Variants in FOLR2 observed in about 807,000 individuals in gnomAD.
FOLR2 encodes the protein folate receptor 2 (fetal).
A neutral mutation model predicts 20.4 loss-of-function variants in FOLR2; 14 were observed. The observed-to-expected ratio is 0.68, with a 90% CI of 0.45 to 1.07. FOLR2 has a LOEUF of 1.07. FOLR2 is among the 50% of genes least tolerant of loss of function. FOLR2 has a pLI of 0.00. For missense variants in FOLR2, 269 were observed against 322.6 expected (o/e 0.83, Z 1.27); for synonymous variants, 114 against 114.3 (o/e 1.00, Z 0.02).
chr11:72,217,720 G>C (rs776948337), intron 1 of FOLR2, among the ~76,000 whole-genome samples: 2 of 152,032 alleles, frequency 1.3e-5, no homozygotes, highest in Non-Finnish European at 2.9e-5. Flanking sequence ...CGTTTTTCAG[G>C]TGGTTTTGGT....
chr11:72,221,281 A>G lies in FOLR2; in HGVS notation c.445A>G (p.Asn149Asp). Reference protein sequence around the residue: ...DCHTSHTCKSNWHRGWDWTSG... With the variant: ...DCHTSHTCKSDWHRGWDWTSG... ...TCACACCTCCCACACGTGCAAGAGC[A>G]ACTGGCACAGAGGATGGGACTGGAC... The change falls in exon 4 of 5, where the codon AAC (asparagine) becomes GAC (aspartate). Residue 149 changes from asparagine (N) to aspartate (D), a missense_variant. Coordinates refer to ENST00000298223, the MANE Select transcript of FOLR2 (RefSeq NM_000803.5). The G allele has an allele frequency of 1.2e-6, 2 of 1,614,012 alleles. No individual in the cohort carries two copies. Among genetic ancestry groups the G allele is most frequent in the Non-Finnish European group, 1.7e-6 (2 of 1,179,928 alleles).
At chr11:72,221,140 G>C (rs1257781907) in intron 3 of FOLR2, 36 bp from the exon 4 acceptor site, 5 of 1,516,640 alleles carry the variant, frequency 3.3e-6, no homozygotes, top group Non-Finnish European at 4.4e-6. Flanking sequence ...AGCATCCCTG[G>C]CTGAGAGGAG....
At position 72,218,751 on chromosome 11, in the gene FOLR2, C is replaced by T. The variant is rs1948435392; in HGVS notation, c.150+17C>T. On this transcript the variant is annotated intron_variant, in intron 2 of 4. Coordinates refer to ENST00000298223, the MANE Select transcript of FOLR2 (RefSeq NM_000803.5). ...CATGACCAAGTACGGCTGGAGTGTG[C>T]CTCTGCTAAGGAGGGGGCTTGTTCT... The T allele has an allele frequency of 2.5e-6, 4 of 1,603,568 alleles. No homozygotes were observed. The highest frequency in any genetic ancestry group is 3.4e-6 in the Non-Finnish European group (4 of 1,174,326).
Position 72,221,068 on chromosome 11 carries a change from C to CCT in FOLR2, c.339+10_339+11insCT. 3.8e-6 allele frequency: 6 copies of CCT among 1,559,142 alleles called. No homozygotes were observed. Among genetic ancestry groups the CCT allele is most frequent in the South Asian group, 1.2e-5 (1 of 85,842 alleles). ...GCCCTGGATCCAGCAGGTAGGGTGT[C>CCT]TCCCCCCCACCCACCCCAGCAGACT... On this transcript the variant is annotated intron_variant, in intron 3 of 4. Transcript: ENST00000298223.
intron 2 of FOLR2, among the ~76,000 whole-genome samples, chr11:72,219,566 T>C (rs1014166249): frequency 1.3e-5 from 2 of 152,226 alleles, no homozygotes; most frequent in African/African-American, 2.4e-5. Context: ...CTTGCTTTTG[T>C]CATAAAATCA....
Position 72,221,067 on chromosome 11 carries a change from T to TCGGGGGGGCCGCCCCC in FOLR2, c.339+10_339+11insGGGGGGGCCGCCCCCC. On this transcript the variant is annotated intron_variant, in intron 3 of 4. Coordinates refer to ENST00000298223, the MANE Select transcript of FOLR2 (RefSeq NM_000803.5). ...GGCCCTGGATCCAGCAGGTAGGGTGTCTCCCCCCCACCCACCCCAGCAGAC... is the reference window on the plus strand; with the variant it reads ...GGCCCTGGATCCAGCAGGTAGGGTGTCGGGGGGGCCGCCCCCCTCCCCCCCACCCACCCCAGCAGAC... 1 of 1,570,118 alleles carries TCGGGGGGGCCGCCCCC rather than the reference T, an allele frequency of 6.4e-7. No homozygotes were observed. Among genetic ancestry groups the TCGGGGGGGCCGCCCCC allele is most frequent in the East Asian group, 2.3e-5 (1 of 43,340 alleles).
In FOLR2 at chr11:72,220,918, G is replaced by A. The variant is rs747304787; in HGVS notation, c.199G>A (p.Glu67Lys). Residue 67 changes from glutamate to lysine, a missense_variant, in exon 3 of 5, where the codon GAG (glutamate) becomes AAG (lysine). Coordinates refer to ENST00000298223, the MANE Select transcript of FOLR2 (RefSeq NM_000803.5). ...CTGCTGCACAGCCAGCACCAGCCAG[G>A]AGCTGCACAAGGACACCTCCCGCCT... ...NACCTASTSQ[E>K]LHKDTSRLYN... 5 of 1,613,840 alleles carry A rather than the reference G, an allele frequency of 3.1e-6. No homozygotes were observed. In the East Asian group the frequency reaches 6.7e-5, roughly 22 times the overall value.
chr11:72,221,064 G>T lies in FOLR2; in HGVS notation c.339+6G>T, dbSNP rs779399069. 1.2e-6 allele frequency: 2 copies of T among 1,601,718 alleles called. No individual in the cohort carries two copies. The highest frequency in any genetic ancestry group is 2.3e-5 in the East Asian group (1 of 44,368). ...TGGGGCCCTGGATCCAGCAGGTAGGGTGTCTCCCCCCCACCCACCCCAGCA... is the reference window on the plus strand; with the variant it reads ...TGGGGCCCTGGATCCAGCAGGTAGGTTGTCTCCCCCCCACCCACCCCAGCA... On this transcript the variant is annotated splice_donor_region_variant and intron_variant, in intron 3 of 4. Transcript: ENST00000298223.
At chr11:72,220,440 TCTTA>T (rs1479985676) in intron 2 of FOLR2, among the ~76,000 whole-genome samples, 2 of 152,342 alleles carry the variant, frequency 1.3e-5, no homozygotes, top group Non-Finnish European at 1.5e-5. Flanking sequence ...TTTTTAAGTT[TCTTA>T]CTGTCTGTCT....
At chr11:72,220,135 G>A (rs148643218) in intron 2 of FOLR2, among the ~76,000 whole-genome samples, 24 of 152,256 alleles carry the variant, frequency 1.6e-4, no homozygotes, top group African/African-American at 5.3e-4. Context: ...GAGCCACCAC[G>A]CCCAGCCTGG....
At chr11:72,217,784 G>A (rs1392954057) in intron 1 of FOLR2, among the ~76,000 whole-genome samples, 3 of 152,066 alleles carry the variant, frequency 2.0e-5, no homozygotes, top group Admixed American at 6.5e-5. Context: ...ACCAGTCACC[G>A]GAGCAGTGTA....
Position 72,221,067 on chromosome 11 carries a change from T to TCGGGGGGGGGGGGGGCCCCCCC in FOLR2, c.339+10_339+11insGGGGGGGGGGGGGGCCCCCCCC. ...GGCCCTGGATCCAGCAGGTAGGGTG[T>TCGGGGGGGGGGGGGGCCCCCCC]CTCCCCCCCACCCACCCCAGCAGAC... On this transcript the variant is annotated intron_variant, in intron 3 of 4. Coordinates refer to ENST00000298223, the MANE Select transcript of FOLR2 (RefSeq NM_000803.5). 16 of 1,569,956 alleles carry TCGGGGGGGGGGGGGGCCCCCCC rather than the reference T, an allele frequency of 1.0e-5. No individual in the cohort carries two copies. Among genetic ancestry groups the TCGGGGGGGGGGGGGGCCCCCCC allele is most frequent in the Non-Finnish European group, 1.2e-5 (14 of 1,154,778 alleles).
chr11:72,221,448 T>C (rs1475830025), intron 4 of FOLR2, 22 bp from the exon 5 acceptor site: 2 of 1,608,788 alleles, frequency 1.2e-6, no homozygotes, highest in Non-Finnish European at 8.5e-7. Context: ...AAAGTCTGTG[T>C]CCACCATGCC....
rs1948488297 is a variant in FOLR2, at chr11:72,221,295, A to G, written c.459A>G (p.Gly153=). 1 of 1,613,790 alleles carries G rather than the reference A, an allele frequency of 6.2e-7. No homozygotes were observed. ...SHTCKSNWHR[G]WDWTSGVNKC... is the part of the protein sequence containing the mutation. ...CGTGCAAGAGCAACTGGCACAGAGG[A>G]TGGGACTGGACCTCAGGTGAGGGTG... Residue 153 remains glycine, a synonymous_variant, in exon 4 of 5, where the codon GGA becomes GGG. Coordinates refer to ENST00000298223, the MANE Select transcript of FOLR2 (RefSeq NM_000803.5).
Position 72,221,279 on chromosome 11 carries a change from G to C in FOLR2, c.443G>C (p.Ser148Thr). 1.2e-6 allele frequency: 2 copies of C among 1,614,014 alleles called. No individual in the cohort carries two copies. Among genetic ancestry groups the C allele is most frequent in the Non-Finnish European group, 1.7e-6 (2 of 1,179,926 alleles). The change falls in exon 4 of 5, where the codon AGC becomes ACC. Residue 148 changes from serine (S) to threonine (T), a missense_variant. Transcript: ENST00000298223. Reference protein sequence around the residue: ...EDCHTSHTCKSNWHRGWDWTS... With the variant: ...EDCHTSHTCKTNWHRGWDWTS... ...TGTCACACCTCCCACACGTGCAAGA[G>C]CAACTGGCACAGAGGATGGGACTGG... is the stretch of plus-strand genomic sequence containing the variant.
Position 72,221,067 on chromosome 11 carries a change from T to TCGGGGGGGGCGCCCCCCCCCCCCCC in FOLR2, c.339+10_339+11insGGGGGGGGCGCCCCCCCCCCCCCCC. ...GGCCCTGGATCCAGCAGGTAGGGTG[T>TCGGGGGGGGCGCCCCCCCCCCCCCC]CTCCCCCCCACCCACCCCAGCAGAC... On this transcript the variant is annotated intron_variant, in intron 3 of 4. Transcript: ENST00000298223. 1.3e-6 allele frequency: 2 copies of TCGGGGGGGGCGCCCCCCCCCCCCCC among 1,570,108 alleles called. No individual in the cohort carries two copies. Among genetic ancestry groups the TCGGGGGGGGCGCCCCCCCCCCCCCC allele is most frequent in the Non-Finnish European group, 1.7e-6 (2 of 1,154,906 alleles).
chr11:72,217,738 A>G (rs79926594), intron 1 of FOLR2, among the ~76,000 whole-genome samples: 7,430 of 152,194 alleles, frequency 0.049, 216 homozygotes, highest in African/African-American at 0.093. Flanking sequence ...GGTTGCATAG[A>G]TAAGTTCTTT....
chr11:72,218,662 T>C lies in FOLR2; in HGVS notation c.78T>C (p.Asp26=), dbSNP rs1565373313. The C allele has an allele frequency of 6.2e-7, 1 of 1,613,088 alleles. No individual in the cohort carries two copies. The highest frequency in any genetic ancestry group is 1.3e-5 in the African/African-American group (1 of 75,034). Residue 26 remains aspartate (D), a synonymous_variant, in exon 2 of 5, where the codon GAT becomes GAC. Coordinates refer to ENST00000298223, the MANE Select transcript of FOLR2 (RefSeq NM_000803.5). ...TGTGCAGTGCCCAGGACAGGACTGA[T>C]CTCCTCAATGTCTGTATGGATGCCA... is the stretch of plus-strand genomic sequence containing the variant. ...ATMCSAQDRT[D]LLNVCMDAKH...
chr11:72,216,958 G>T, intron 1 of FOLR2, 33 bp downstream of exon 1: 1 of 1,598,412 alleles, frequency 6.3e-7, no homozygotes, highest in South Asian at 1.1e-5. Context: ...GGGTGACAAG[G>T]GCAGTGGGGA....
Sources: gnomAD v4.1 joint callset for allele counts (sites outside exome capture counted in the v4.1 genomes callset) on GRCh38, gnomAD v4.1.1 for gene constraint, MANE v1.5 for transcripts, NCBI Gene and HGNC (gene_info 2026-07-23, HGNC 2026-07-21) for gene names.